Variants in ASRGL1 observed in about 807,000 individuals in gnomAD.
ASRGL1 encodes the protein isoaspartyl peptidase/L-asparaginase.
ASRGL1 carries 16 observed loss-of-function variants against 22.4 expected under a neutral mutation model. The ratio of observed to expected loss-of-function variants is 0.71; its 90% CI spans 0.48 to 1.08. ASRGL1 has a LOEUF of 1.08. Among genes scored for constraint, ASRGL1 ranks in the 50% least tolerant of loss-of-function variants. The pLI, the probability that ASRGL1 is intolerant of heterozygous loss-of-function variation, is 0.00. For missense variants in ASRGL1, 412 were observed against 410.1 expected (o/e 1.00, Z -0.04); for synonymous variants, 165 against 159.3 (o/e 1.04, Z -0.27).
At chr11:62,346,140 G>C (rs557027391) in intron 2 of ASRGL1, among the ~76,000 whole-genome samples, 2 of 152,294 alleles carry the variant, frequency 1.3e-5, no homozygotes, top group South Asian at 4.1e-4. Context: ...ATCTTGAGTA[G>C]TAGCTTGTCA....
At chr11:62,375,428 TTATATATA>T (rs71053051) in intron 4 of ASRGL1, among the ~76,000 whole-genome samples, 1,397 of 68,736 alleles carry the variant, frequency 0.02, 25 homozygotes, top group Non-Finnish European at 0.03. Flanking sequence ...TTGTCTTACT[TTATATATA>T]TATATATATA....
intron 4 of ASRGL1, among the ~76,000 whole-genome samples, chr11:62,387,101 C>T (rs561408826): frequency 9.3e-5 from 14 of 151,104 alleles, no homozygotes; most frequent in African/African-American, 2.9e-4. Flanking sequence ...CAGAGTTTCA[C>T]CATGTTGACC....
intron 4 of ASRGL1, chr11:62,372,412 A>G: frequency 6.4e-7 from 1 of 1,559,784 alleles, no homozygotes; most frequent in Non-Finnish European, 8.8e-7. Context: ...AATCAGTATG[A>G]TAATGGACTG....
At chr11:62,338,974 A>G (rs1292802525) in intron 2 of ASRGL1, among the ~76,000 whole-genome samples, 2 of 150,662 alleles carry the variant, frequency 1.3e-5, no homozygotes, top group Non-Finnish European at 2.9e-5. Context: ...GAATGTCTGC[A>G]TTAAGATAAG....
At chr11:62,353,186 G>A (rs1460942939) in intron 2 of ASRGL1, among the ~76,000 whole-genome samples, 1 of 151,864 alleles carries the variant, frequency 6.6e-6, no homozygotes, top group Admixed American at 6.6e-5. Flanking sequence ...TGTCTTGTCT[G>A]TTCTGCTGTT....
rs936974924 is a variant in ASRGL1 at position 62,378,683 on chromosome 11, C to T, written c.492-10450C>T. 5.9e-5 allele frequency among the ~76,000 whole-genome samples: 9 copies of T among 152,226 alleles called. No individual in the cohort carries two copies. The East Asian group carries it at 1.7e-3, about 29-fold the overall frequency. The stretch of plus-strand genomic sequence containing the variant: ...AAGTCAGTTAACTTATGCCATCTGC[C>T]GGATTTTTTTTGAATTACAAACACA... On this transcript the variant is annotated intron_variant, in intron 4 of 6. Coordinates refer to ENST00000415229, the MANE Select transcript of ASRGL1 (RefSeq NM_001083926.2).
At chr11:62,340,713 TG>T (rs1445655473) in intron 2 of ASRGL1, among the ~76,000 whole-genome samples, 1 of 152,102 alleles carries the variant, frequency 6.6e-6, no homozygotes, top group African/African-American at 2.4e-5. Context: ...GCAAAGATTA[TG>T]GGGGGAAAGG....
intron 2 of ASRGL1, among the ~76,000 whole-genome samples, chr11:62,347,628 G>GTA (rs1554998906): frequency 6.7e-6 from 1 of 150,062 alleles, no homozygotes; most frequent in Admixed American, 6.6e-5. Context: ...AATATTTGGG[G>GTA]AAAAAAAAAA....
intron 2 of ASRGL1, among the ~76,000 whole-genome samples, chr11:62,339,517 G>GT (rs1210363003): frequency 1.3e-5 from 2 of 152,134 alleles, no homozygotes; most frequent in African/African-American, 4.8e-5. Flanking sequence ...GCTAATATGA[G>GT]TATCTACCAT....
At chr11:62,394,084 T>C (rs2134711472), downstream of ASRGL1, among the ~76,000 whole-genome samples, 1 of 143,022 alleles carries the variant, frequency 7.0e-6, no homozygotes, top group Admixed American at 7.3e-5. Context: ...TATATTATAA[T>C]TTATACAATA....
chr11:62,342,028 G>T (rs1200033702), intron 2 of ASRGL1, among the ~76,000 whole-genome samples: 1 of 151,830 alleles, frequency 6.6e-6, no homozygotes, highest in Admixed American at 6.6e-5. Context: ...CAGCAGTTTT[G>T]TCCCAAGAGT....
At chr11:62,390,867 G>C (rs1383735439) in intron 5 of ASRGL1, among the ~76,000 whole-genome samples, 2 of 152,166 alleles carry the variant, frequency 1.3e-5, no homozygotes, top group Non-Finnish European at 2.9e-5. Context: ...TCCTTCCAAG[G>C]CTAAAGGACT....
intron 2 of ASRGL1, among the ~76,000 whole-genome samples, chr11:62,352,893 G>A (rs1946200371): frequency 6.6e-6 from 1 of 152,074 alleles, no homozygotes; most frequent in Non-Finnish European, 1.5e-5. Flanking sequence ...GTTATGATGT[G>A]TCTTAGTGTG....
intron 2 of ASRGL1, among the ~76,000 whole-genome samples, chr11:62,342,784 A>G (rs866089448): frequency 2.0e-5 from 3 of 152,270 alleles, no homozygotes; most frequent in South Asian, 4.1e-4. Context: ...CATAAATGGA[A>G]TCACACAATG....
chr11:62,368,322 C>T (rs768905793), intron 4 of ASRGL1, among the ~76,000 whole-genome samples: 11 of 152,126 alleles, frequency 7.2e-5, no homozygotes, highest in Non-Finnish European at 1.6e-4. Flanking sequence ...AGCGTATCCC[C>T]TTCAAATAAG....
At chr11:62,394,287 GTATATAT>G (rs1358488447), downstream of ASRGL1, among the ~76,000 whole-genome samples, 66 of 134,996 alleles carry the variant, frequency 4.9e-4, 1 homozygote, top group East Asian at 9.8e-3. Flanking sequence ...ATCATATATT[GTATATAT>G]TATATATTAT....
intron 4 of ASRGL1, chr11:62,371,269 A>G: frequency 7.4e-7 from 1 of 1,351,014 alleles, no homozygotes; most frequent in South Asian, 1.5e-5. Flanking sequence ...CAGTAGCAGC[A>G]GTGGTGGCAG....
At chr11:62,380,989 G>C (rs1306365119) in intron 4 of ASRGL1, among the ~76,000 whole-genome samples, 5 of 152,144 alleles carry the variant, frequency 3.3e-5, no homozygotes, top group African/African-American at 1.2e-4. Flanking sequence ...CCTGCCCTGT[G>C]GTGCTGGAAA....
intron 2 of ASRGL1, among the ~76,000 whole-genome samples, chr11:62,341,356 G>C (rs950276722): frequency 6.6e-6 from 1 of 151,946 alleles, no homozygotes; most frequent in East Asian, 1.9e-4. Context: ...CCACCACCAG[G>C]ACCAGCTAAT....
Sources: allele counts gnomAD v4.1 joint callset (sites outside exome capture counted in the v4.1 genomes callset), GRCh38; gene constraint gnomAD v4.1.1; transcripts MANE v1.5; gene names NCBI Gene and HGNC (gene_info 2026-07-23, HGNC 2026-07-21).